VIPR2: variants seen among roughly 807,000 people sequenced by gnomAD.
VIPR2 encodes the protein vasoactive intestinal polypeptide receptor 2.
Under a neutral mutation model 58.0 loss-of-function variants are expected in VIPR2, and 48 were observed. The ratio of observed to expected loss-of-function variants is 0.83; its 90% CI spans 0.66 to 1.05. The LOEUF (loss-of-function observed/expected upper bound fraction) is 1.05. Ranked by LOEUF, VIPR2 falls within the 50% of genes least tolerant of loss-of-function variation. The pLI is 0.00. For missense variants in VIPR2, 534 were observed against 558.0 expected (o/e 0.96, Z 0.43); for synonymous variants, 243 against 235.2 (o/e 1.03, Z -0.30).
chr7:159,069,924 T>C (rs1040302585), intron 4 of VIPR2, among the ~76,000 whole-genome samples: 1 of 152,238 alleles, frequency 6.6e-6, no homozygotes, highest in African/African-American at 2.4e-5. Flanking sequence ...TTCTTGTTCA[T>C]GGTGCTTTTT....
intron 2 of VIPR2, among the ~76,000 whole-genome samples, chr7:159,120,179 C>T (rs1796403860): frequency 6.6e-6 from 1 of 152,246 alleles, no homozygotes; most frequent in South Asian, 2.1e-4. Context: ...AGTTCAGACT[C>T]ATACTAAACA....
intron 2 of VIPR2, among the ~76,000 whole-genome samples, chr7:159,114,481 T>C (rs1051939996): frequency 1.3e-5 from 2 of 152,228 alleles, no homozygotes; most frequent in African/African-American, 2.4e-5. Context: ...GTTTTCCAGA[T>C]GGTGATCATA....
At chr7:159,104,797 C>A (rs542370321) in intron 3 of VIPR2, among the ~76,000 whole-genome samples, 1 of 151,870 alleles carries the variant, frequency 6.6e-6, no homozygotes, top group Non-Finnish European at 1.5e-5. Flanking sequence ...CGATGGTGAC[C>A]GGGTGCCCGG....
intron 7 of VIPR2, 57 bp downstream of exon 7, chr7:159,036,695 T>C (rs1289196148): frequency 6.4e-7 from 1 of 1,551,440 alleles, no homozygotes; most frequent in Admixed American, 1.9e-5. Flanking sequence ...AATGTTTGCG[T>C]TGTTTGGTCC....
At chr7:159,032,893 G>A (rs1326021761) in intron 10 of VIPR2, among the ~76,000 whole-genome samples, 1 of 151,954 alleles carries the variant, frequency 6.6e-6, no homozygotes, top group African/African-American at 2.4e-5. Flanking sequence ...GATCTTATTC[G>A]GGGGTCTCTG....
At chr7:159,144,268 ACGC>A (rs1797595541) in intron 1 of VIPR2, 1 of 1,341,222 alleles carries the variant, frequency 7.5e-7, no homozygotes, top group African/African-American at 1.5e-5. Flanking sequence ...TATTTAACCG[ACGC>A]CACGTCCCCC....
In VIPR2 at chr7:159,036,874, A is replaced by G. The variant is rs767637413; in HGVS notation, c.626T>C (p.Leu209Pro). The G allele has an allele frequency of 1.2e-5, 19 of 1,613,248 alleles. No individual in the cohort carries two copies. In the Admixed American group the frequency reaches 1.7e-4, roughly 14 times the overall value. ...WVGCKLSLVF[L>P]QYCIMANFFW... is the part of the protein sequence containing the mutation. ...GAAGTTGGCCATGATGCAGTACTGC[A>G]GGAAGACCAGGCTCAGCTTGCAGCC... Residue 209 changes from leucine to proline, a missense_variant, in exon 7 of 13, where the codon CTG (leucine) becomes CCG (proline). Transcript: ENST00000262178.
rs1379246130 is a variant in VIPR2 at position 159,051,518 on chromosome 7, AGAAAT to A, written c.455+6958_455+6962del. On this transcript the variant is annotated intron_variant, in intron 5 of 12. Coordinates refer to ENST00000262178, the MANE Select transcript of VIPR2 (RefSeq NM_003382.5). ...AACAGTTGAGACAATTAGAAAGCAA[AGAAAT>A]GAAAGGTAGATTAGAACTCACAGTT... 2.0e-5 allele frequency among the ~76,000 whole-genome samples: 3 copies of A among 152,240 alleles called. 1 individual carries two copies. The highest frequency in any genetic ancestry group is 7.2e-5 in the African/African-American group (3 of 41,468).
intron 4 of VIPR2, among the ~76,000 whole-genome samples, chr7:159,061,665 TAAAAA>T (rs558546280): frequency 6.6e-6 from 1 of 151,110 alleles, no homozygotes; most frequent in Non-Finnish European, 1.5e-5. Context: ...AAAAAAAAGT[TAAAAA>T]AAAGAAAAAA....
intron 4 of VIPR2, among the ~76,000 whole-genome samples, chr7:159,061,516 G>A (rs1563284935): frequency 6.6e-6 from 1 of 151,874 alleles, no homozygotes; most frequent in Non-Finnish European, 1.5e-5. Flanking sequence ...AGCCGGGTGT[G>A]GCTGTGTGTG....
rs553297925 is a variant in VIPR2 at position 159,099,748 on chromosome 7, A to C, written c.357+4009T>G. Among the ~76,000 whole-genome samples the C allele has an allele frequency of 7.9e-5, 12 of 152,044 alleles. No individual in the cohort carries two copies. The highest frequency in any genetic ancestry group is 2.9e-4 in the African/African-American group (12 of 41,466). ...AGGTGGTGCCTCCAACACACCGGGG[A>C]TCCCACCTGGACCTTGAAATCCCCC... On this transcript the variant is annotated intron_variant, in intron 4 of 12. Coordinates refer to ENST00000262178, the MANE Select transcript of VIPR2 (RefSeq NM_003382.5). The surrounding 1 kb of genome is among the most constrained non-coding windows in gnomAD (Gnocchi z 4.2).
At chr7:159,091,775 T>C (rs1365034155) in intron 4 of VIPR2, among the ~76,000 whole-genome samples, 1 of 152,218 alleles carries the variant, frequency 6.6e-6, no homozygotes, top group East Asian at 1.9e-4. Context: ...GAAGGCTGCT[T>C]CCTAGTCAGC....
At chr7:159,112,787 C>T (rs1339043018) in intron 2 of VIPR2, among the ~76,000 whole-genome samples, 4 of 149,634 alleles carry the variant, frequency 2.7e-5, no homozygotes, top group East Asian at 2.0e-4. Flanking sequence ...CTGCCTGGGA[C>T]GGGACCCGGC....
rs192669752 is a variant in VIPR2, at chr7:159,084,366, G to A, written c.357+19391C>T. 2.6e-4 allele frequency among the ~76,000 whole-genome samples: 39 copies of A among 152,366 alleles called. 1 individual carries two copies. The East Asian group carries it at 6.6e-3, about 26-fold the overall frequency. On this transcript the variant is annotated intron_variant, in intron 4 of 12. Coordinates refer to ENST00000262178, the MANE Select transcript of VIPR2 (RefSeq NM_003382.5). ...GATGGGGCAGGCGGCTGGGCACGCT[G>A]GAGGGCAGTGCCGCCAGGTGAGACA...
intron 6 of VIPR2, 101 bp downstream of exon 6, chr7:159,042,934 G>T: frequency 6.9e-7 from 1 of 1,451,840 alleles, no homozygotes; most frequent in Admixed American, 2.1e-5. Context: ...CCTGTGCCCT[G>T]ACAGGAACCC....
intron 6 of VIPR2, among the ~76,000 whole-genome samples, chr7:159,041,418 G>A (rs1015410015): frequency 1.3e-5 from 2 of 151,178 alleles, no homozygotes; most frequent in South Asian, 2.1e-4. Flanking sequence ...AGGGTCTGTC[G>A]AGGGTCCTGA....
In VIPR2 at chr7:159,093,896, C is replaced by A. The variant is rs1043577349; in HGVS notation, c.357+9861G>T. 6.6e-6 allele frequency among the ~76,000 whole-genome samples: 1 copy of A among 152,168 alleles called. No homozygotes were observed. The highest frequency in any genetic ancestry group is 6.5e-5 in the Admixed American group (1 of 15,276). ...CCACCCCATGCCCAGTGCTGACGGG[C>A]GCCCCTCGTGACTCCCTCTTTCAGG... On this transcript the variant is annotated intron_variant, in intron 4 of 12. Coordinates refer to ENST00000262178, the MANE Select transcript of VIPR2 (RefSeq NM_003382.5). The surrounding 1 kb of genome is among the most constrained non-coding windows in gnomAD (Gnocchi z 6.7).
intron 4 of VIPR2, among the ~76,000 whole-genome samples, chr7:159,076,315 G>A (rs185032571): frequency 4.4e-4 from 67 of 152,360 alleles, no homozygotes; most frequent in African/African-American, 1.6e-3. Context: ...CAGCTTAGGG[G>A]TGCCCTTGAA....
rs193181230 is a variant in VIPR2, at chr7:159,054,410, A to G, written c.455+4071T>C. Among the ~76,000 whole-genome samples the G allele has an allele frequency of 1.3e-3, 205 of 152,320 alleles. 1 individual carries two copies. Among genetic ancestry groups the G allele is most frequent in the African/African-American group, 4.5e-3 (188 of 41,568 alleles). Reference sequence around the variant, plus strand: ...GAAGAGAGCTTAAACTCAGTCACAGAGCTGGAGACAAAATCCGTAATACTC... The same window carrying G: ...GAAGAGAGCTTAAACTCAGTCACAGGGCTGGAGACAAAATCCGTAATACTC... On this transcript the variant is annotated intron_variant, in intron 5 of 12. Transcript: ENST00000262178.
Sources: allele counts gnomAD v4.1 joint callset (sites outside exome capture counted in the v4.1 genomes callset), GRCh38; gene constraint gnomAD v4.1.1; non-coding constraint Gnocchi (gnomAD v3.1); transcripts MANE v1.5; gene names NCBI Gene and HGNC (gene_info 2026-07-23, HGNC 2026-07-21).